Variants in VRK2 observed in about 807,000 individuals in gnomAD.
VRK2 encodes serine/threonine-protein kinase VRK2.
Under a neutral mutation model 57.6 loss-of-function variants are expected in VRK2, and 60 were observed. The observed-to-expected ratio is 1.04, with a 90% CI of 0.85 to 1.29. VRK2 has a LOEUF of 1.29. Ranked by LOEUF, VRK2 falls within the 50% of genes most tolerant of loss-of-function variation. VRK2 has a pLI of 0.00. For synonymous variants in VRK2, 231 were observed against 199.2 expected, an observed-to-expected ratio of 1.16 and a Z score of -1.35; for missense variants, 705 against 588.1, an observed-to-expected ratio of 1.20 and a Z score of -2.06.
At chr2:58,013,373 C>T (rs2103652783) in intron 1 of VRK2, among the ~76,000 whole-genome samples, 1 of 152,296 alleles carries the variant, frequency 6.6e-6, no homozygotes, top group East Asian at 1.9e-4. Context: ...GCAGAATATC[C>T]AGCTTTGTAT....
At chr2:58,099,807 G>C (rs370401955) in intron 7 of VRK2, among the ~76,000 whole-genome samples, 33 of 152,174 alleles carry the variant, frequency 2.2e-4, no homozygotes, top group Middle Eastern at 3.4e-3. Context: ...CCATTAAGCA[G>C]AATTGCAAAT....
chr2:57,954,684 G>C (rs1411595110), intron 1 of VRK2, among the ~76,000 whole-genome samples: 2 of 151,836 alleles, frequency 1.3e-5, no homozygotes, highest in Non-Finnish European at 2.9e-5. Flanking sequence ...CTAGATTATA[G>C]GGTCAATTTC....
intron 1 of VRK2, among the ~76,000 whole-genome samples, chr2:57,922,927 A>G (rs1331798294): frequency 6.6e-6 from 1 of 151,814 alleles, no homozygotes; most frequent in East Asian, 1.9e-4. Context: ...CATGAGTTCA[A>G]TTGTTTTAAT....
chr2:57,999,705 A>T (rs1301890005), intron 1 of VRK2, among the ~76,000 whole-genome samples: 1 of 152,234 alleles, frequency 6.6e-6, no homozygotes, highest in African/African-American at 2.4e-5. Context: ...AAAGATAACA[A>T]AATTAGTTTT....
At chr2:58,093,846 G>A (rs1672733924) in intron 7 of VRK2, among the ~76,000 whole-genome samples, 1 of 152,208 alleles carries the variant, frequency 6.6e-6, no homozygotes, top group South Asian at 2.1e-4. Context: ...TTTGTATAAA[G>A]TGTAAGGAAG....
At chr2:57,924,175 C>A (rs953050029) in intron 1 of VRK2, among the ~76,000 whole-genome samples, 1 of 151,868 alleles carries the variant, frequency 6.6e-6, no homozygotes, top group Non-Finnish European at 1.5e-5. Flanking sequence ...CAGTAGTGTT[C>A]TTTTTGCTTA....
intron 1 of VRK2, among the ~76,000 whole-genome samples, chr2:57,991,227 C>T (rs1360851006): frequency 6.6e-6 from 1 of 151,988 alleles, no homozygotes; most frequent in African/African-American, 2.4e-5. Context: ...ACTTACACAT[C>T]CATTTAGGAA....
At chr2:58,079,707 A>C (rs1670592789) in intron 2 of VRK2, among the ~76,000 whole-genome samples, 1 of 151,978 alleles carries the variant, frequency 6.6e-6, no homozygotes. Flanking sequence ...TAATATTATA[A>C]ATTTTATTGC....
At chr2:58,029,992 T>C (rs563234661) in intron 2 of VRK2, among the ~76,000 whole-genome samples, 1 of 152,296 alleles carries the variant, frequency 6.6e-6, no homozygotes, top group South Asian at 2.1e-4. Context: ...CCAGCAATAC[T>C]TTACTTTTCA....
At chr2:58,023,440 G>A (rs137930592) in intron 1 of VRK2, among the ~76,000 whole-genome samples, 119 of 152,134 alleles carry the variant, frequency 7.8e-4, no homozygotes, top group African/African-American at 2.7e-3. Context: ...CCCTTTGGTT[G>A]CTTCTTGGCT....
chr2:58,071,774 G>T (rs1010319946), intron 2 of VRK2, among the ~76,000 whole-genome samples: 1 of 151,872 alleles, frequency 6.6e-6, no homozygotes, highest in Non-Finnish European at 1.5e-5. Flanking sequence ...TGGATCTTTT[G>T]CCTTTATGTA....
chr2:57,993,823 T>A (rs932039070), intron 1 of VRK2, among the ~76,000 whole-genome samples: 1 of 152,126 alleles, frequency 6.6e-6, no homozygotes, highest in Non-Finnish European at 1.5e-5. Context: ...CAGAGCGCAA[T>A]GCATAGCAAC....
intron 7 of VRK2, among the ~76,000 whole-genome samples, chr2:58,092,695 G>T (rs1391130624): frequency 1.3e-5 from 2 of 152,068 alleles, no homozygotes; most frequent in African/African-American, 4.8e-5. Context: ...TTAAGTTCTA[G>T]GGTACATGTG....
intron 1 of VRK2, among the ~76,000 whole-genome samples, chr2:58,006,366 G>A (rs1324613484): frequency 6.6e-6 from 1 of 152,186 alleles, no homozygotes; most frequent in Non-Finnish European, 1.5e-5. Flanking sequence ...AAAAATGCCA[G>A]ACATGCCTTG....
At chr2:58,108,212 A>C (rs1434578270) in intron 7 of VRK2, among the ~76,000 whole-genome samples, 1 of 152,080 alleles carries the variant, frequency 6.6e-6, no homozygotes, top group Non-Finnish European at 1.5e-5. Context: ...CACTGTTTTC[A>C]GAGTTGTCTT....
intron 1 of VRK2, among the ~76,000 whole-genome samples, chr2:57,917,454 A>G (rs542647903): frequency 6.6e-6 from 1 of 151,436 alleles, no homozygotes; most frequent in African/African-American, 2.4e-5. Flanking sequence ...CTGCAAAATA[A>G]AGATGATAAT....
intron 7 of VRK2, among the ~76,000 whole-genome samples, chr2:58,091,984 A>G (rs1351052228): frequency 6.6e-6 from 1 of 152,214 alleles, no homozygotes; most frequent in Non-Finnish European, 1.5e-5. Flanking sequence ...AAGTTAGTGG[A>G]AGGGAATTTG....
In VRK2 at chr2:58,123,189, A is replaced by G. The variant is rs36081172; in HGVS notation, c.632A>G (p.Asn211Ser). ...CAGGAAAATCCTAGAAAAGGCCATAATGGGACAATAGAGTTTACCAGCTTG... is the reference window on the plus strand; with the variant it reads ...CAGGAAAATCCTAGAAAAGGCCATAGTGGGACAATAGAGTTTACCAGCTTG... The part of the protein sequence containing the change: ...QYQENPRKGH[N>S]GTIEFTSLDA... The change falls in exon 8 of 13, where the codon AAT (asparagine) becomes AGT (serine). Residue 211 changes from asparagine to serine, a missense_variant. By Grantham distance (46) the Asn-to-Ser change is conservative. Coordinates refer to ENST00000340157, the MANE Select transcript of VRK2 (RefSeq NM_006296.7). The G allele has an allele frequency of 4.9e-4, 788 of 1,593,820 alleles. 9 individuals carry two copies. Among genetic ancestry groups the G allele is most frequent in the Middle Eastern group, 5.0e-4 (3 of 6,010 alleles).
intron 3 of VRK2, 29 bp downstream of exon 3, chr2:58,084,167 A>G (rs1671290772): frequency 6.3e-7 from 1 of 1,575,276 alleles, no homozygotes; most frequent in Non-Finnish European, 8.6e-7. Context: ...TTTGTATTTC[A>G]CATATATTTG....
Sources: allele counts gnomAD v4.1 joint callset (sites outside exome capture counted in the v4.1 genomes callset), GRCh38; gene constraint gnomAD v4.1.1; transcripts MANE v1.5; gene names NCBI Gene and HGNC (gene_info 2026-07-23, HGNC 2026-07-21).